UBE2E2: variants seen among roughly 807,000 people sequenced by gnomAD.
UBE2E2 encodes ubiquitin-conjugating enzyme E2 E2.
UBE2E2 carries 6 observed loss-of-function variants against 24.7 expected under a neutral mutation model. The observed-to-expected ratio is 0.24, with a 90% CI of 0.13 to 0.48. The LOEUF (loss-of-function observed/expected upper bound fraction) is 0.48, where lower values mean the gene tolerates loss of function less well. Ranked by LOEUF, UBE2E2 falls within the 20% of genes least tolerant of loss-of-function variation. UBE2E2 has a pLI of 0.99. For synonymous variants in UBE2E2, 104 were observed against 83.6 expected (o/e 1.24, Z -1.33); for missense variants, 169 against 245.0 (o/e 0.69, Z 2.07).
At chr3:23,553,488 A>G (rs1695699928) in intron 5 of UBE2E2, among the ~76,000 whole-genome samples, 3 of 152,144 alleles carry the variant, frequency 2.0e-5, no homozygotes, top group African/African-American at 7.2e-5. Flanking sequence ...CATTTATGTT[A>G]ATAAACTGAC....
chr3:23,271,499 C>T (rs753584458), intron 3 of UBE2E2, among the ~76,000 whole-genome samples: 45 of 152,320 alleles, frequency 3.0e-4, no homozygotes, highest in Admixed American at 5.2e-4. Context: ...GGGCAGCCTG[C>T]TTTTATTCCC....
chr3:23,307,886 TA>T (rs1699280156), intron 3 of UBE2E2, among the ~76,000 whole-genome samples: 1 of 152,202 alleles, frequency 6.6e-6, no homozygotes, highest in African/African-American at 2.4e-5. Flanking sequence ...ATGTAAGCAG[TA>T]ATTCACAATT....
intron 3 of UBE2E2, among the ~76,000 whole-genome samples, chr3:23,355,351 T>C (rs919008104): frequency 2.0e-5 from 3 of 152,114 alleles, no homozygotes; most frequent in Non-Finnish European, 4.4e-5. Flanking sequence ...ATTGTGCACA[T>C]GTACCCTAAA....
intron 3 of UBE2E2, among the ~76,000 whole-genome samples, chr3:23,349,072 G>C (rs1359823611): frequency 6.6e-6 from 1 of 152,278 alleles, no homozygotes; most frequent in Non-Finnish European, 1.5e-5. Context: ...AGAGGGAGGA[G>C]GAGGCAGCTC....
chr3:23,433,202 C>G (rs1435834979), intron 3 of UBE2E2, among the ~76,000 whole-genome samples: 2 of 151,854 alleles, frequency 1.3e-5, no homozygotes, highest in Admixed American at 1.3e-4. Flanking sequence ...GGACCAAAAT[C>G]TTATACTCAT....
In UBE2E2 at chr3:23,525,866, T is replaced by C. The variant is rs567983305; in HGVS notation, c.361-6688T>C. 4.6e-5 allele frequency among the ~76,000 whole-genome samples: 7 copies of C among 152,332 alleles called. No homozygotes were observed. The South Asian group carries it at 1.5e-3, about 32-fold the overall frequency. On this transcript the variant is annotated intron_variant, in intron 4 of 5. Transcript: ENST00000396703. ...TGTAGGTTAAGGGTGGGAAGACTTC[T>C]TTTCTCAGCCTCTAAACTTCTCCTT... is the stretch of plus-strand genomic sequence containing the variant.
intron 3 of UBE2E2, among the ~76,000 whole-genome samples, chr3:23,246,222 ATT>A (rs398051684): frequency 2.9e-5 from 3 of 102,210 alleles, no homozygotes; most frequent in Admixed American, 9.3e-5. Context: ...TGCGTGGCTA[ATT>A]TTTTTTTTTT....
At chr3:23,476,739 G>T (rs1699147315) in intron 3 of UBE2E2, among the ~76,000 whole-genome samples, 1 of 152,100 alleles carries the variant, frequency 6.6e-6, no homozygotes, top group Non-Finnish European at 1.5e-5. Context: ...TAAATGGTTT[G>T]ATTTTTAATT....
chr3:23,286,840 T>TA (rs1433841187), intron 3 of UBE2E2, among the ~76,000 whole-genome samples: 1 of 152,144 alleles, frequency 6.6e-6, no homozygotes, highest in Non-Finnish European at 1.5e-5. Context: ...TTGTAGTTTT[T>TA]ATTGTAGAGA....
Position 23,589,851 on chromosome 3 carries a change from C to T in UBE2E2, c.*20C>T, listed in dbSNP as rs1416103431. ...ACATAGGGGCCTGCTGCCTGCCGCC[C>T]CGCGGGACCTGTGCAAGCACATTCA... On this transcript the variant is annotated 3_prime_UTR_variant, in exon 6 of 6. Coordinates refer to ENST00000396703, the MANE Select transcript of UBE2E2 (RefSeq NM_152653.4). The surrounding 1 kb of genome is among the most constrained non-coding windows in gnomAD (Gnocchi z 4.1). 2 of 1,613,330 alleles carry T rather than the reference C, an allele frequency of 1.2e-6. No homozygotes were observed. Among genetic ancestry groups the T allele is most frequent in the African/African-American group, 2.7e-5 (2 of 74,926 alleles).
At chr3:23,220,102 C>T (rs1030390834) in intron 3 of UBE2E2, among the ~76,000 whole-genome samples, 3 of 151,966 alleles carry the variant, frequency 2.0e-5, no homozygotes, top group South Asian at 4.2e-4. Flanking sequence ...CAAGTCACCC[C>T]GAATCACAGC....
In UBE2E2 at chr3:23,203,342, G is replaced by C. The variant is rs1696015591; in HGVS notation, c.-131G>C. On this transcript the variant is annotated 5_prime_UTR_variant, in exon 1 of 6. Transcript: ENST00000396703. ...GCGTGGGTCCGGCTTTCGGTGACTA[G>C]ACGGTCCGCAGGGGACATCCCGTCC... 4 of 986,522 alleles carry C rather than the reference G, an allele frequency of 4.1e-6. No homozygotes were observed. Among genetic ancestry groups the C allele is most frequent in the Non-Finnish European group, 4.8e-6 (4 of 830,602 alleles). The allele number at this position is 986,522 out of a possible 1,614,324, so 61.1% of individuals were successfully genotyped here.
chr3:23,514,668 G>T (rs1449371605), intron 4 of UBE2E2, among the ~76,000 whole-genome samples: 1 of 151,900 alleles, frequency 6.6e-6, no homozygotes, highest in Non-Finnish European at 1.5e-5. Flanking sequence ...GAAGGAGGCT[G>T]AGCAGACAAG....
At chr3:23,374,343 A>G (rs944254142) in intron 3 of UBE2E2, among the ~76,000 whole-genome samples, 1 of 152,192 alleles carries the variant, frequency 6.6e-6, no homozygotes, top group African/African-American at 2.4e-5. Context: ...CCTTTTTTAA[A>G]AGACAGATTA....
At chr3:23,309,784 T>G (rs1358566664) in intron 3 of UBE2E2, among the ~76,000 whole-genome samples, 1 of 152,202 alleles carries the variant, frequency 6.6e-6, no homozygotes, top group East Asian at 1.9e-4. Flanking sequence ...CTCAGTCACG[T>G]TCCTGCCAGG....
At chr3:23,245,886 C>T (rs548145609) in intron 3 of UBE2E2, among the ~76,000 whole-genome samples, 4 of 152,068 alleles carry the variant, frequency 2.6e-5, no homozygotes, top group Non-Finnish European at 5.9e-5. Flanking sequence ...ATCTTTTATC[C>T]TCCCACCAAT....
At chr3:23,418,053 C>T (rs1179971859) in intron 3 of UBE2E2, among the ~76,000 whole-genome samples, 1 of 152,150 alleles carries the variant, frequency 6.6e-6, no homozygotes, top group Non-Finnish European at 1.5e-5. Context: ...AGCCCCTTTT[C>T]CAGGGGAGTG....
At chr3:23,291,849 ATTTTTTT>A (rs57708620) in intron 3 of UBE2E2, among the ~76,000 whole-genome samples, 20 of 64,038 alleles carry the variant, frequency 3.1e-4, no homozygotes, top group African/African-American at 5.7e-4. Flanking sequence ...TGCCCGGCTA[ATTTTTTT>A]TTTTTTTTTT....
At chr3:23,427,065 A>G (rs1174615544) in intron 3 of UBE2E2, among the ~76,000 whole-genome samples, 1 of 152,096 alleles carries the variant, frequency 6.6e-6, no homozygotes, top group Non-Finnish European at 1.5e-5. Context: ...TTTATTTGAA[A>G]GTAGGCTTCG....
Sources: allele counts gnomAD v4.1 joint callset (sites outside exome capture counted in the v4.1 genomes callset), GRCh38; gene constraint gnomAD v4.1.1; non-coding constraint Gnocchi (gnomAD v3.1); transcripts MANE v1.5; gene names NCBI Gene and HGNC (gene_info 2026-07-23, HGNC 2026-07-21).